PTPRT: variants seen among roughly 807,000 people sequenced by gnomAD.
PTPRT encodes the protein protein tyrosine phosphatase receptor type T, also known as receptor-type tyrosine-protein phosphatase T.
Under a neutral mutation model 176.8 loss-of-function variants are expected in PTPRT, and 56 were observed. That is an observed-to-expected ratio of 0.32 (90% confidence interval 0.26 to 0.40). The LOEUF (loss-of-function observed/expected upper bound fraction) is 0.40, where lower values mean the gene tolerates loss of function less well. Among genes scored for constraint, PTPRT ranks in the 10% least tolerant of loss-of-function variants. The pLI is 1.00. For synonymous variants in PTPRT, 783 were observed against 739.0 expected (o/e 1.06, Z -0.96); for missense variants, 1,540 against 1,908.2 (o/e 0.81, Z 3.60).
chr20:42,951,278 T>G (rs1981229097), intron 1 of PTPRT, among the ~76,000 whole-genome samples: 1 of 151,528 alleles, frequency 6.6e-6, no homozygotes, highest in Non-Finnish European at 1.5e-5. Flanking sequence ...TGGAGATGAA[T>G]TATAAATGTG....
At chr20:42,525,621 G>A (rs1215619046) in intron 7 of PTPRT, among the ~76,000 whole-genome samples, 2 of 152,120 alleles carry the variant, frequency 1.3e-5, no homozygotes, top group Non-Finnish European at 2.9e-5. Context: ...TAGGATACAC[G>A]GTTTTCAATA....
At chr20:42,933,183 CT>C (rs1205745803) in intron 1 of PTPRT, among the ~76,000 whole-genome samples, 2 of 152,184 alleles carry the variant, frequency 1.3e-5, no homozygotes, top group African/African-American at 2.4e-5. Flanking sequence ...CCTGGCCAAG[CT>C]AATTCATACC....
chr20:43,117,688 G>A (rs963637049), intron 1 of PTPRT, among the ~76,000 whole-genome samples: 2 of 152,092 alleles, frequency 1.3e-5, no homozygotes, highest in Admixed American at 6.5e-5. Context: ...GCACTGTAGC[G>A]GCAAGAGTCT....
In PTPRT at chr20:42,385,140, T is replaced by C. The variant is rs148071546; in HGVS notation, c.1561-32855A>G. 8.4e-4 allele frequency among the ~76,000 whole-genome samples: 128 copies of C among 152,298 alleles called. 2 individuals carry two copies. The highest frequency in any genetic ancestry group is 6.5e-4 in the Admixed American group (10 of 15,304). Reference sequence around the variant, plus strand: ...TTTGTTGTTTATGCTTTTAATGTTATATCCAAAAATCATCGCCCAGACCAA... The same window carrying C: ...TTTGTTGTTTATGCTTTTAATGTTACATCCAAAAATCATCGCCCAGACCAA... On this transcript the variant is annotated intron_variant, in intron 9 of 30. Transcript: ENST00000373187.
Position 42,968,462 on chromosome 20 carries a change from A to G in PTPRT, c.89-82530T>C, listed in dbSNP as rs899188059. Reference sequence around the variant, plus strand: ...TGTACGGTTGAACACACAAACTGGCAAAGTTCCAAATGAACTAATAAGTGG... The same window carrying G: ...TGTACGGTTGAACACACAAACTGGCGAAGTTCCAAATGAACTAATAAGTGG... On this transcript the variant is annotated intron_variant, in intron 1 of 30. Coordinates refer to ENST00000373187, the MANE Select transcript of PTPRT (RefSeq NM_007050.6). 7.9e-5 allele frequency among the ~76,000 whole-genome samples: 12 copies of G among 151,866 alleles called. No homozygotes were observed. In the East Asian group the frequency reaches 2.3e-3, roughly 29 times the overall value.
chr20:42,465,952 G>C (rs906215619), intron 8 of PTPRT, among the ~76,000 whole-genome samples: 1 of 151,916 alleles, frequency 6.6e-6, no homozygotes, highest in African/African-American at 2.4e-5. Context: ...CAGGCCCCAG[G>C]GTGTGCTGTT....
rs138151097 is a variant in PTPRT, at chr20:42,349,165, G to C, written c.1865+1463C>G. On this transcript the variant is annotated intron_variant, in intron 11 of 30. Transcript: ENST00000373187. ...TTCTGGGCTGGTGTCCTAGCCTCCA[G>C]TGACACAAGGAGTGAGGCTGCATGC... 3.9e-3 allele frequency among the ~76,000 whole-genome samples: 592 copies of C among 152,278 alleles called. 4 individuals are homozygous for C. The highest frequency in any genetic ancestry group is 0.017 in the Middle Eastern group (5 of 294).
At chr20:43,082,848 A>C (rs1018550286) in intron 1 of PTPRT, among the ~76,000 whole-genome samples, 2 of 152,094 alleles carry the variant, frequency 1.3e-5, no homozygotes, top group African/African-American at 4.8e-5. Flanking sequence ...AGTATCAAAG[A>C]GCTGAAACTC....
rs147185583 is a variant in PTPRT, at chr20:42,657,088, C to T, written c.1153+20778G>A. On this transcript the variant is annotated intron_variant, in intron 7 of 30. Coordinates refer to ENST00000373187, the MANE Select transcript of PTPRT (RefSeq NM_007050.6). ...CTGTTCTTGTGATGGTGAGTGATTT[C>T]TCATGAGATCTGATGGTTTTATAAG... 4.9e-3 allele frequency among the ~76,000 whole-genome samples: 752 copies of T among 152,238 alleles called. 3 individuals are homozygous for T. The highest frequency in any genetic ancestry group is 8.4e-3 in the Non-Finnish European group (570 of 68,012).
At chr20:43,094,260 G>C (rs2146312217) in intron 1 of PTPRT, among the ~76,000 whole-genome samples, 1 of 147,512 alleles carries the variant, frequency 6.8e-6, no homozygotes, top group South Asian at 2.2e-4. Context: ...GCTAATTTTT[G>C]TTTTTTTAGT....
Position 42,549,050 on chromosome 20 carries a change from T to C in PTPRT, c.1154-76488A>G, listed in dbSNP as rs2072723218. ...AGGCATTTTGCAAAACAATCTGTTA[T>C]ACTTAGTCCAACTAATCTAATGTAA... On this transcript the variant is annotated intron_variant, in intron 7 of 30. Transcript: ENST00000373187. Among the ~76,000 whole-genome samples the C allele has an allele frequency of 2.0e-5, 3 of 152,184 alleles. 1 individual carries two copies. Among genetic ancestry groups the C allele is most frequent in the Non-Finnish European group, 4.4e-5 (3 of 68,014 alleles).
intron 1 of PTPRT, among the ~76,000 whole-genome samples, chr20:42,905,366 C>G (rs554988993): frequency 3.4e-4 from 52 of 152,270 alleles, no homozygotes; most frequent in African/African-American, 1.2e-3. Flanking sequence ...ACCACAATGA[C>G]ATACCATCTC....
intron 1 of PTPRT, among the ~76,000 whole-genome samples, chr20:43,177,994 G>A (rs2015159884): frequency 6.6e-6 from 1 of 152,182 alleles, no homozygotes; most frequent in Non-Finnish European, 1.5e-5. Flanking sequence ...CATTGAGATG[G>A]AAAATTCACC....
At chr20:42,495,524 ATAAT>A (rs2071637881) in intron 7 of PTPRT, among the ~76,000 whole-genome samples, 1 of 152,218 alleles carries the variant, frequency 6.6e-6, no homozygotes, top group Non-Finnish European at 1.5e-5. Context: ...AAATAAAGCA[ATAAT>A]TCTCTGGCAA....
At chr20:42,622,309 T>G (rs2145861235) in intron 7 of PTPRT, among the ~76,000 whole-genome samples, 1 of 151,930 alleles carries the variant, frequency 6.6e-6, no homozygotes, top group East Asian at 1.9e-4. Flanking sequence ...TGGCGCCATC[T>G]CGGCTCACTG....
intron 1 of PTPRT, among the ~76,000 whole-genome samples, chr20:42,961,600 G>T (rs1404665971): frequency 2.0e-5 from 3 of 152,170 alleles, no homozygotes; most frequent in Non-Finnish European, 4.4e-5. Flanking sequence ...TAGGGCAGGG[G>T]AGAGGAAAAG....
At chr20:42,542,075 C>T (rs1264313029) in intron 7 of PTPRT, among the ~76,000 whole-genome samples, 1 of 152,156 alleles carries the variant, frequency 6.6e-6, no homozygotes, top group African/African-American at 2.4e-5. Flanking sequence ...GGCAGTTCCC[C>T]TGCACATGCT....
chr20:42,585,575 T>C (rs2073457157), intron 7 of PTPRT, among the ~76,000 whole-genome samples: 1 of 152,190 alleles, frequency 6.6e-6, no homozygotes, highest in African/African-American at 2.4e-5. Context: ...ACTTCCCACA[T>C]GCCAGGCACT....
At chr20:43,038,924 A>G (rs1400399006) in intron 1 of PTPRT, among the ~76,000 whole-genome samples, 1 of 152,238 alleles carries the variant, frequency 6.6e-6, no homozygotes, top group Non-Finnish European at 1.5e-5. Context: ...ACTGAAGGGC[A>G]TAACACAAGC....
Sources: allele counts gnomAD v4.1 joint callset (sites outside exome capture counted in the v4.1 genomes callset), GRCh38; gene constraint gnomAD v4.1.1; transcripts MANE v1.5; gene names NCBI Gene and HGNC (gene_info 2026-07-23, HGNC 2026-07-21).